Variants in DPP9 observed in about 807,000 individuals in gnomAD.
The protein encoded by DPP9 is dipeptidyl peptidase 9.
In DPP9, 50 loss-of-function variants were observed where a neutral mutation model predicts 110.7. The ratio of observed to expected loss-of-function variants is 0.45; its 90% CI spans 0.36 to 0.57. The LOEUF (loss-of-function observed/expected upper bound fraction) is 0.57. DPP9 is among the 20% of genes least tolerant of loss of function. The pLI is 0.00. For synonymous variants in DPP9, 561 were observed against 514.4 expected (o/e 1.09, Z -1.23); for missense variants, 1,022 against 1,217.9 (o/e 0.84, Z 2.39).
At position 4,685,020 on chromosome 19, in the gene DPP9, A is replaced by G; in HGVS notation, c.2032-211T>C. 1.4e-6 allele frequency: 1 copy of G among 695,614 alleles called. No homozygotes were observed. The highest frequency in any genetic ancestry group is 2.8e-5 in the East Asian group (1 of 35,820). The allele number at this position is 695,614 out of a possible 1,614,324, so 43.1% of individuals were successfully genotyped here. A position where few individuals can be genotyped will look rare whatever the true frequency, so the allele number is the denominator to read the frequency against. ...ACCCTGCTAGGGAGGGGGAAGGGCC[A>G]CTGTCAGGCTCTTTCTCAGCTGGGC... On this transcript the variant is annotated intron_variant, in intron 17 of 21. Coordinates refer to ENST00000262960, the MANE Select transcript of DPP9 (RefSeq NM_139159.5). The surrounding 1 kb of genome is among the most constrained non-coding windows in gnomAD (Gnocchi z 5.8).
chr19:4,709,252 A>G (rs2092723969), intron 4 of DPP9, among the ~76,000 whole-genome samples: 1 of 152,020 alleles, frequency 6.6e-6, no homozygotes, highest in Non-Finnish European at 1.5e-5. Flanking sequence ...AAAGAAAGAA[A>G]CAGCAACTTC....
At chr19:4,688,713 C>T (rs1343435156) in intron 16 of DPP9, 44 bp downstream of exon 16, 13 of 1,381,850 alleles carry the variant, frequency 9.4e-6, no homozygotes, top group Non-Finnish European at 1.1e-5. Flanking sequence ...GTTTTACAGC[C>T]GGGCGGGCGG....
In DPP9 at chr19:4,694,794, T is replaced by C. The variant is rs549939671; in HGVS notation, c.1383A>G (p.Gln461=). 2.5e-5 allele frequency: 41 copies of C among 1,613,754 alleles called. No individual in the cohort carries two copies. Among genetic ancestry groups the C allele is most frequent in the African/African-American group, 6.7e-5 (5 of 74,984 alleles). ...AGCAGAGCTCGTCCTCTCCCTCTGATTGGGGGAAGGGATAGAAGATGTCAT... is the reference window on the plus strand; with the variant it reads ...AGCAGAGCTCGTCCTCTCCCTCTGACTGGGGGAAGGGATAGAAGATGTCAT... ...NVHDIFYPFP[Q]SEGEDELCFL... Residue 461 remains glutamine (Q), a synonymous_variant, in exon 13 of 22, where the codon CAA becomes CAG. Coordinates refer to ENST00000262960, the MANE Select transcript of DPP9 (RefSeq NM_139159.5). This position sits in a 1 kb window ranked among gnomAD's most constrained non-coding sequence, Gnocchi z 4.0.
At chr19:4,719,363 T>TAAAC (rs1555721570) in intron 3 of DPP9, 1 of 131,824 alleles carries the variant, frequency 7.6e-6, no homozygotes, top group African/African-American at 2.7e-5. Flanking sequence ...AATAAATAAA[T>TAAAC]AAATAAAAAT....
intron 7 of DPP9, 40 bp downstream of exon 7, chr19:4,703,846 G>C (rs1193746954): frequency 6.4e-7 from 1 of 1,567,852 alleles, no homozygotes; most frequent in South Asian, 1.2e-5. Context: ...AAGCTGGCCA[G>C]GTGGCTATGG....
intron 18 of DPP9, chr19:4,683,845 G>A: frequency 6.5e-7 from 1 of 1,530,134 alleles, no homozygotes; most frequent in Non-Finnish European, 8.7e-7. Flanking sequence ...TCCCAGGTGA[G>A]TGGCTCTGGG....
chr19:4,706,330 C>CAA (rs59568017), intron 4 of DPP9, among the ~76,000 whole-genome samples: 10,272 of 105,502 alleles, frequency 0.097, 960 homozygotes, highest in African/African-American at 0.23. Flanking sequence ...GGCCCCGTCT[C>CAA]AAAAAAAAAA....
At chr19:4,709,191 T>C (rs187883896) in intron 4 of DPP9, among the ~76,000 whole-genome samples, 4 of 152,254 alleles carry the variant, frequency 2.6e-5, no homozygotes, top group Admixed American at 2.6e-4. Flanking sequence ...GTGCTGGGAT[T>C]ACAGGCGTGA....
At chr19:4,719,326 T>TTAAA (rs3059236) in intron 3 of DPP9, 47,102 of 141,542 alleles carry the variant, frequency 0.33, 8,071 homozygotes, top group South Asian at 0.52. Flanking sequence ...AGACTCCGTC[T>TTAAA]TAAATAAATA....
At chr19:4,711,637 G>A (rs1238185934) in intron 4 of DPP9, among the ~76,000 whole-genome samples, 2 of 151,984 alleles carry the variant, frequency 1.3e-5, no homozygotes, top group Admixed American at 1.3e-4. Flanking sequence ...GCTGGGTATG[G>A]TGGCAGGCAC....
At chr19:4,679,741 G>C (rs927337695) in intron 21 of DPP9, 94 bp downstream of exon 21, 27 of 951,690 alleles carry the variant, frequency 2.8e-5, no homozygotes, top group Non-Finnish European at 4.1e-5. Flanking sequence ...GGGAGCCCCT[G>C]GTCACAGTGG....
chr19:4,697,705 G>A lies in DPP9; in HGVS notation c.1075-54C>T, dbSNP rs866406094. The stretch of plus-strand genomic sequence containing the variant: ...TGCCCTGGCCTGCCCGGCGCTGCTC[G>A]GAGGAGAAGGCCACTGCGCTGGGTC... On this transcript the variant is annotated intron_variant, in intron 10 of 21. Transcript: ENST00000262960. The A allele has an allele frequency of 3.1e-5, 46 of 1,481,552 alleles. No individual in the cohort carries two copies. The East Asian group carries it at 3.9e-4, about 13-fold the overall frequency. 91.8% of individuals were successfully genotyped at this position (1,481,552 alleles called of 1,614,324 possible).
Position 4,684,023 on chromosome 19 carries a change from A to C in DPP9, c.2179-394T>G. On this transcript the variant is annotated intron_variant, in intron 18 of 21. Coordinates refer to ENST00000262960, the MANE Select transcript of DPP9 (RefSeq NM_139159.5). The surrounding 1 kb of genome is among the most constrained non-coding windows in gnomAD (Gnocchi z 4.8). ...CATCGCCGTTGTCACTACCAGCCAC[A>C]TCCCCACCACCGCCACTGCCACGAT... is the stretch of plus-strand genomic sequence containing the variant. The C allele has an allele frequency of 2.6e-6, 1 of 384,528 alleles. No individual in the cohort carries two copies. Among genetic ancestry groups the C allele is most frequent in the Non-Finnish European group, 5.0e-6 (1 of 201,128 alleles). The allele number at this position is 384,528 out of a possible 1,614,324, so 23.8% of individuals were successfully genotyped here.
intron 5 of DPP9, 87 bp downstream of exon 5, chr19:4,705,771 G>A: frequency 7.7e-7 from 1 of 1,297,702 alleles, no homozygotes; most frequent in South Asian, 1.2e-5. Context: ...GGGGCAGAGA[G>A]GTGACCGAAG....
intron 4 of DPP9, among the ~76,000 whole-genome samples, chr19:4,707,613 GCTTT>G (rs1198270934): frequency 2.5e-5 from 3 of 121,712 alleles, no homozygotes; most frequent in Non-Finnish European, 5.0e-5. Flanking sequence ...CCTCATACTC[GCTTT>G]TTTTTTTTTT....
In DPP9 at chr19:4,710,869, G is replaced by T. The variant is rs527940545; in HGVS notation, c.313+3212C>A. Among the ~76,000 whole-genome samples, 22 of 152,288 alleles carry T rather than the reference G, an allele frequency of 1.4e-4. No individual in the cohort carries two copies. In the South Asian group the frequency reaches 3.1e-3, roughly 22 times the overall value. ...TTGAGCTACTCTAGGTACGTTCTGG[G>T]GTTTCTGCCAAGTTCATGCCCACTG... On this transcript the variant is annotated intron_variant, in intron 4 of 21. Coordinates refer to ENST00000262960, the MANE Select transcript of DPP9 (RefSeq NM_139159.5). This position sits in a 1 kb window ranked among gnomAD's most constrained non-coding sequence, Gnocchi z 5.6.
Position 4,682,908 on chromosome 19 carries a change from A to G in DPP9, c.2332-70T>C, listed in dbSNP as rs1177003631. The stretch of plus-strand genomic sequence containing the variant: ...ACAGGCGTCGGGTCCTACAGCCAGC[A>G]TCAGCCGCTGTCCCGGGGCCGCCCT... On this transcript the variant is annotated intron_variant, in intron 19 of 21. Coordinates refer to ENST00000262960, the MANE Select transcript of DPP9 (RefSeq NM_139159.5). The surrounding 1 kb of genome is among the most constrained non-coding windows in gnomAD (Gnocchi z 7.1). 1.3e-6 allele frequency: 2 copies of G among 1,541,164 alleles called. No individual in the cohort carries two copies. The highest frequency in any genetic ancestry group is 8.7e-7 in the Non-Finnish European group (1 of 1,146,870).
rs987801589 is a variant in DPP9, at chr19:4,689,777, C to T, written c.1597-55G>A. 6.7e-6 allele frequency: 10 copies of T among 1,499,322 alleles called. No homozygotes were observed. Among genetic ancestry groups the T allele is most frequent in the Non-Finnish European group, 9.0e-6 (10 of 1,115,612 alleles). 92.9% of individuals were successfully genotyped at this position (1,499,322 alleles called of 1,614,324 possible). A position where few individuals can be genotyped will look rare whatever the true frequency, so the allele number is the denominator to read the frequency against. On this transcript the variant is annotated intron_variant, in intron 14 of 21. Coordinates refer to ENST00000262960, the MANE Select transcript of DPP9 (RefSeq NM_139159.5). This position sits in a 1 kb window ranked among gnomAD's most constrained non-coding sequence, Gnocchi z 7.0. ...CGTCCCAGATGCCCCTGGGCCCACACCCCTCTCCACGCCCCACAGGAGTGG... is the reference window on the plus strand; with the variant it reads ...CGTCCCAGATGCCCCTGGGCCCACATCCCTCTCCACGCCCCACAGGAGTGG...
At position 4,690,869 on chromosome 19, in the gene DPP9, C is replaced by T. The variant is rs1292613762; in HGVS notation, c.1596+9G>A. The stretch of plus-strand genomic sequence containing the variant: ...GGAGCAGGGGAAGGCTGCAAGGAGA[C>T]CCTGGTACCTTGGAGCCGTGCCTCG... On this transcript the variant is annotated intron_variant, in intron 14 of 21. Coordinates refer to ENST00000262960, the MANE Select transcript of DPP9 (RefSeq NM_139159.5). 3.7e-6 allele frequency: 6 copies of T among 1,610,960 alleles called. No homozygotes were observed. Among genetic ancestry groups the T allele is most frequent in the Non-Finnish European group, 4.2e-6 (5 of 1,178,362 alleles).
Sources: allele counts gnomAD v4.1 joint callset (sites outside exome capture counted in the v4.1 genomes callset), GRCh38; gene constraint gnomAD v4.1.1; non-coding constraint Gnocchi (gnomAD v3.1); transcripts MANE v1.5; gene names NCBI Gene and HGNC (gene_info 2026-07-23, HGNC 2026-07-21).